Variants in PUS7L observed in about 807,000 individuals in gnomAD.
The protein encoded by PUS7L is pseudouridine synthase 7 like.
A neutral mutation model predicts 51.1 loss-of-function variants in PUS7L; 49 were observed. The observed-to-expected ratio is 0.96, with a 90% CI of 0.76 to 1.22. The LOEUF (loss-of-function observed/expected upper bound fraction) is 1.22, where lower values mean the gene tolerates loss of function less well. Ranked by LOEUF, PUS7L falls within the 50% of genes most tolerant of loss-of-function variation. The pLI, the probability that PUS7L is intolerant of heterozygous loss-of-function variation, is 0.00. For missense variants in PUS7L, 828 were observed against 820.6 expected (o/e 1.01, Z -0.11); for synonymous variants, 277 against 276.2 (o/e 1.00, Z -0.03).
At chr12:43,748,377 A>G (rs1938273135) in intron 3 of PUS7L, 73 bp downstream of exon 3, 3 of 1,106,568 alleles carry the variant, frequency 2.7e-6, no homozygotes, top group Non-Finnish European at 3.9e-6. Flanking sequence ...CAGGATGTTT[A>G]GAAACCATTT....
At position 43,741,235 on chromosome 12, in the gene PUS7L, G is replaced by C. The variant is rs184000153; in HGVS notation, c.1362+1222C>G. Among the ~76,000 whole-genome samples the C allele has an allele frequency of 5.3e-5, 8 of 152,202 alleles. No homozygotes were observed. In the East Asian group the frequency reaches 1.5e-3, roughly 29 times the overall value. On this transcript the variant is annotated intron_variant, in intron 5 of 8. Transcript: ENST00000344862. Reference sequence around the variant, plus strand: ...GAGAAACAGGACATTCCAGTTATTTGAACAATTGTTAAGAAAAAGTCTTTC... The same window carrying C: ...GAGAAACAGGACATTCCAGTTATTTCAACAATTGTTAAGAAAAAGTCTTTC...
intron 7 of PUS7L, among the ~76,000 whole-genome samples, chr12:43,735,140 C>T (rs1271853379): frequency 1.3e-5 from 2 of 151,618 alleles, no homozygotes; most frequent in Non-Finnish European, 2.9e-5. Flanking sequence ...ATGGTGAAAC[C>T]CAGTCTCTAC....
intron 4 of PUS7L, among the ~76,000 whole-genome samples, 177 bp downstream of exon 4, chr12:43,745,869 A>G (rs1232083640): frequency 6.6e-6 from 1 of 152,202 alleles, no homozygotes; most frequent in African/African-American, 2.4e-5. Context: ...AAATGTATTA[A>G]GCTGAAAATA....
chr12:43,753,125 A>C lies in PUS7L; in HGVS notation c.910+1211T>G, dbSNP rs1938535235. Among the ~76,000 whole-genome samples, 11 of 152,320 alleles carry C rather than the reference A, an allele frequency of 7.2e-5. No homozygotes were observed. The South Asian group carries it at 2.3e-3, about 32-fold the overall frequency. On this transcript the variant is annotated intron_variant, in intron 2 of 8. Transcript: ENST00000344862. ...ACTCACCAGCAATTCCTCTTTCTAC[A>C]AGTAAAGCTAGTATTGTTTTTCCTT...
chr12:43,758,733 G>C lies in PUS7L; in HGVS notation c.-20C>G. Reference sequence around the variant, plus strand: ...CAAGAAACTCGACCCCGTCTACCTCGGTTCAGTGGAAGGCATTCATTTGCA... The same window carrying C: ...CAAGAAACTCGACCCCGTCTACCTCCGTTCAGTGGAAGGCATTCATTTGCA... On this transcript the variant is annotated 5_prime_UTR_variant, in exon 1 of 9. Coordinates refer to ENST00000344862, the MANE Select transcript of PUS7L (RefSeq NM_031292.5). 1.0e-6 allele frequency: 1 copy of C among 973,738 alleles called. No homozygotes were observed. The highest frequency in any genetic ancestry group is 1.2e-6 in the Non-Finnish European group (1 of 828,394). 60.3% of individuals were successfully genotyped at this position (973,738 alleles called of 1,614,324 possible).
At position 43,719,094 on chromosome 12, in the gene PUS7L, A is replaced by G. The variant is rs2137635051; in HGVS notation, c.*11282T>C. On this transcript the variant is annotated 3_prime_UTR_variant, in exon 9 of 9. Transcript: ENST00000344862. ...AGTGTAAGTAATATTTTTAGAACAT[A>G]TACTCATGTAACCAAATTCAGGCCA... 1 of 152,098 alleles carries G rather than the reference A, an allele frequency of 6.6e-6. No individual in the cohort carries two copies. The highest frequency in any genetic ancestry group is 2.1e-4 in the South Asian group (1 of 4,826). 9.4% of individuals were successfully genotyped at this position (152,098 alleles called of 1,614,324 possible).
At chr12:43,754,238 C>A (rs1938583870) in intron 2 of PUS7L, 98 bp downstream of exon 2, 1 of 805,552 alleles carries the variant, frequency 1.2e-6, no homozygotes, top group Non-Finnish European at 2.0e-6. Flanking sequence ...ATCATATATT[C>A]TTTCCAATCT....
intron 7 of PUS7L, among the ~76,000 whole-genome samples, chr12:43,732,361 C>T (rs151003488): frequency 1.3e-4 from 20 of 151,862 alleles, no homozygotes; most frequent in African/African-American, 4.8e-4. Flanking sequence ...GCAAGAGGAT[C>T]GCTTGATCCC....
intron 5 of PUS7L, chr12:43,738,965 A>T (rs539098026): frequency 6.1e-6 from 1 of 164,562 alleles, no homozygotes; most frequent in South Asian, 2.0e-4. Context: ...GAAAATATTT[A>T]ATATTTAAAT....
chr12:43,741,571 G>T (rs536100665), intron 5 of PUS7L, among the ~76,000 whole-genome samples: 5 of 152,292 alleles, frequency 3.3e-5, no homozygotes, highest in African/African-American at 1.2e-4. Context: ...CATTTTACAA[G>T]TTAATTTTCA....
intron 5 of PUS7L, chr12:43,739,326 T>G (rs1337117327): frequency 1.3e-5 from 2 of 152,216 alleles, no homozygotes. Context: ...AAAGACAACA[T>G]TAAAAAAAGA....
At chr12:43,735,847 G>A (rs1260813612) in intron 7 of PUS7L, among the ~76,000 whole-genome samples, 1 of 152,028 alleles carries the variant, frequency 6.6e-6, no homozygotes, top group Non-Finnish European at 1.5e-5. Context: ...CACGATCTCG[G>A]CTCACTGTGA....
At position 43,755,205 on chromosome 12, in the gene PUS7L, A is replaced by G. The variant is rs199507374; in HGVS notation, c.41T>C (p.Leu14Ser). ...DTDYRIRFSS[L>S]CFFNDHVGFH... Reference sequence around the variant, plus strand: ...TCCAACGTGATCATTAAAGAAACACAAAGAACTAAACCTGATTCTATAATC... The same window carrying G: ...TCCAACGTGATCATTAAAGAAACACGAAGAACTAAACCTGATTCTATAATC... Residue 14 changes from leucine to serine, a missense_variant, in exon 2 of 9, where the codon TTG (leucine) becomes TCG (serine). By Grantham distance (145) the Leu-to-Ser change is moderately radical. Transcript: ENST00000344862. The G allele has an allele frequency of 1.8e-5, 29 of 1,610,558 alleles. No individual in the cohort carries two copies. The East Asian group carries it at 6.3e-4, about 35-fold the overall frequency.
chr12:43,749,918 G>T (rs1938362184), intron 2 of PUS7L, among the ~76,000 whole-genome samples: 2 of 152,110 alleles, frequency 1.3e-5, no homozygotes, highest in Admixed American at 1.3e-4. Flanking sequence ...AAGGGCATAA[G>T]GCTGAAAAAC....
intron 1 of PUS7L, among the ~76,000 whole-genome samples, chr12:43,756,167 T>C (rs1938690918): frequency 6.6e-6 from 1 of 152,214 alleles, no homozygotes; most frequent in African/African-American, 2.4e-5. Flanking sequence ...ATCCTTTCCA[T>C]CATGCCATAT....
In PUS7L at chr12:43,723,768, A is replaced by G. The variant is rs533819841; in HGVS notation, c.*6608T>C. ...CATAAATCAGAGGGCTTAGAAAAAC[A>G]GATTAAAACAGTACTATAAGAGAAT... On this transcript the variant is annotated 3_prime_UTR_variant, in exon 9 of 9. Coordinates refer to ENST00000344862, the MANE Select transcript of PUS7L (RefSeq NM_031292.5). The G allele has an allele frequency of 8.5e-5, 13 of 152,220 alleles. No homozygotes were observed. In the South Asian group the frequency reaches 2.3e-3, roughly 27 times the overall value. The allele number at this position is 152,220 out of a possible 1,614,324, so 9.4% of individuals were successfully genotyped here. A position where few individuals can be genotyped will look rare whatever the true frequency, so the allele number is the denominator to read the frequency against.
intron 7 of PUS7L, among the ~76,000 whole-genome samples, chr12:43,734,867 A>G (rs1255558498): frequency 6.6e-6 from 1 of 152,210 alleles, no homozygotes; most frequent in Non-Finnish European, 1.5e-5. Context: ...CGAAAGTGTT[A>G]CTCAAATTTT....
rs182072183 is a variant in PUS7L, at chr12:43,738,731, G to C, written c.1363-340C>G. 6.0e-3 allele frequency: 1,549 copies of C among 256,178 alleles called. 23 individuals are homozygous for C. Among genetic ancestry groups the C allele is most frequent in the Non-Finnish European group, 3.3e-3 (432 of 129,564 alleles). 15.9% of individuals were successfully genotyped at this position (256,178 alleles called of 1,614,324 possible). A position where few individuals can be genotyped will look rare whatever the true frequency, so the allele number is the denominator to read the frequency against. ...AGGTGTAAGAATTCTGAAAAGCTTA[G>C]GCTAAATGTATTAAACCCTTATTTT... On this transcript the variant is annotated intron_variant, in intron 5 of 8. Coordinates refer to ENST00000344862, the MANE Select transcript of PUS7L (RefSeq NM_031292.5).
At position 43,723,964 on chromosome 12, in the gene PUS7L, C is replaced by T. The variant is rs887037845; in HGVS notation, c.*6412G>A. 1 of 152,048 alleles carries T rather than the reference C, an allele frequency of 6.6e-6. No individual in the cohort carries two copies. Among genetic ancestry groups the T allele is most frequent in the Non-Finnish European group, 1.5e-5 (1 of 67,940 alleles). 9.4% of individuals were successfully genotyped at this position (152,048 alleles called of 1,614,324 possible). ...AACCCATTAATTCCCTTAAATTTCC[C>T]TCTTTGATCTTTATGCAATCTTCAG... On this transcript the variant is annotated 3_prime_UTR_variant, in exon 9 of 9. Coordinates refer to ENST00000344862, the MANE Select transcript of PUS7L (RefSeq NM_031292.5).
Sources: gnomAD v4.1 joint callset for allele counts (sites outside exome capture counted in the v4.1 genomes callset) on GRCh38, gnomAD v4.1.1 for gene constraint, MANE v1.5 for transcripts, NCBI Gene and HGNC (gene_info 2026-07-23, HGNC 2026-07-21) for gene names.